The following FAM53A variants were observed in gnomAD, a reference collection of about 807,000 sequenced individuals.
FAM53A encodes the protein family with sequence similarity 53 member A.
In FAM53A, 28 loss-of-function variants were observed where a neutral mutation model predicts 26.6. The ratio of observed to expected loss-of-function variants is 1.05; its 90% CI spans 0.78 to 1.45. The LOEUF (loss-of-function observed/expected upper bound fraction) is 1.45, where lower values mean the gene tolerates loss of function less well. FAM53A is among the 40% of genes most tolerant of loss of function. The pLI, the probability that FAM53A is intolerant of heterozygous loss-of-function variation, is 0.00. For missense variants in FAM53A, 650 were observed against 575.8 expected, an observed-to-expected ratio of 1.13 and a Z score of -1.32; for synonymous variants, 290 against 253.1, an observed-to-expected ratio of 1.15 and a Z score of -1.38.
chr4:1,609,515 A>G, the FAM53A span, among the ~76,000 whole-genome samples: 43,728 of 151,906 alleles, frequency 0.29, 6,967 homozygotes, highest in African/African-American at 0.38. Flanking sequence ...TCTCCTGACA[A>G]CAAGTGAGTC....
At chr4:1,641,794 G>A (rs1711745945) in intron 4 of FAM53A, among the ~76,000 whole-genome samples, 187 bp from the exon 5 acceptor site, 1 of 151,988 alleles carries the variant, frequency 6.6e-6, no homozygotes, top group Non-Finnish European at 1.5e-5. Flanking sequence ...CCCTGCCCAT[G>A]CCCGCCCCAG....
At chr4:1,616,398 G>C (rs757984129), downstream of FAM53A, among the ~76,000 whole-genome samples, 1 of 147,448 alleles carries the variant, frequency 6.8e-6, no homozygotes, top group Non-Finnish European at 1.5e-5. Context: ...GCAAGTTGGC[G>C]CCCAGCAGGC....
chr4:1,587,452 A>G, the FAM53A span, among the ~76,000 whole-genome samples: 1 of 152,152 alleles, frequency 6.6e-6, no homozygotes, highest in Non-Finnish European at 1.5e-5. Context: ...CAGGCAGATC[A>G]TTTGAGGCCA....
At chr4:1,667,472 C>G (rs75608146) in intron 2 of FAM53A, among the ~76,000 whole-genome samples, 1 of 152,174 alleles carries the variant, frequency 6.6e-6, no homozygotes, top group Non-Finnish European at 1.5e-5. Context: ...AGCGCTGCCA[C>G]GGTCACCTCA....
chr4:1,595,597 C>A, the FAM53A span, among the ~76,000 whole-genome samples: 5 of 152,354 alleles, frequency 3.3e-5, no homozygotes, highest in South Asian at 1.0e-3. Context: ...AAAAAAACAG[C>A]ACCAAGCAGC....
intron 1 of FAM53A, among the ~76,000 whole-genome samples, chr4:1,679,639 T>C (rs527395411): frequency 7.8e-6 from 1 of 128,960 alleles, no homozygotes; most frequent in Non-Finnish European, 1.6e-5. Flanking sequence ...TGAGCCAAGA[T>C]AGCACCACTG....
intron 4 of FAM53A, chr4:1,644,332 C>T (rs1386437064): frequency 3.9e-6 from 6 of 1,535,940 alleles, no homozygotes; most frequent in Non-Finnish European, 4.4e-6. Flanking sequence ...CTCGCGGGCA[C>T]AGCTGTGCGG....
chr4:1,647,371 T>C (rs560723724), intron 4 of FAM53A, among the ~76,000 whole-genome samples: 2 of 151,348 alleles, frequency 1.3e-5, no homozygotes, highest in Admixed American at 1.3e-4. Flanking sequence ...TCCTAAATGT[T>C]TTCCTAGGAA....
chr4:1,603,133 T>G, the FAM53A span, among the ~76,000 whole-genome samples: 8 of 151,968 alleles, frequency 5.3e-5, no homozygotes, highest in African/African-American at 1.9e-4. Flanking sequence ...GCTGTGTGTA[T>G]GAGTGGGGCG....
At chr4:1,598,150 G>A in the FAM53A span, among the ~76,000 whole-genome samples, 1 of 152,192 alleles carries the variant, frequency 6.6e-6, no homozygotes. Flanking sequence ...GCCCCTAGGG[G>A]CCCAGCCCCT....
downstream of FAM53A, among the ~76,000 whole-genome samples, chr4:1,616,314 C>A (rs904075964): frequency 1.7e-4 from 26 of 152,218 alleles, no homozygotes; most frequent in Non-Finnish European, 3.1e-4. Context: ...GCACGCAGGT[C>A]CCCACGGCCA....
chr4:1,657,495 T>C (rs779059193), intron 2 of FAM53A, 27 bp from the exon 3 acceptor site: 3 of 1,604,728 alleles, frequency 1.9e-6, no homozygotes, highest in Non-Finnish European at 1.7e-6. Context: ...GTTTCAATAC[T>C]GTGACTGACA....
chr4:1,650,522 A>G (rs2108866898), intron 4 of FAM53A, among the ~76,000 whole-genome samples: 1 of 152,078 alleles, frequency 6.6e-6, no homozygotes, highest in East Asian at 1.9e-4. Context: ...TTTGAGACAG[A>G]GTCTCACTCT....
At position 1,666,812 on chromosome 4, in the gene FAM53A, G is replaced by A. The variant is rs1714269175; in HGVS notation, c.75+1855C>T. 2.0e-5 allele frequency among the ~76,000 whole-genome samples: 3 copies of A among 152,206 alleles called. No homozygotes were observed. The South Asian group carries it at 6.2e-4, about 31-fold the overall frequency. On this transcript the variant is annotated intron_variant, in intron 2 of 4. Coordinates refer to ENST00000308132, the MANE Select transcript of FAM53A (RefSeq NM_001174070.3). ...CCAGCCTCGCCAACATGGCCAACAT[G>A]GTGAAACCCCGTCTCTACTAAAAAT...
At chr4:1,576,579 C>T in the FAM53A span, among the ~76,000 whole-genome samples, 1 of 152,266 alleles carries the variant, frequency 6.6e-6, no homozygotes, top group East Asian at 1.9e-4. Flanking sequence ...GAAAACTACC[C>T]TCAATTGAAA....
chr4:1,632,302 G>T (rs1221514631), intron 1 of FAM53A, among the ~76,000 whole-genome samples: 2 of 152,108 alleles, frequency 1.3e-5, no homozygotes, highest in East Asian at 3.8e-4. Flanking sequence ...TGAGGACACA[G>T]ACACACACAG....
chr4:1,653,923 C>A (rs1713095019), intron 4 of FAM53A, among the ~76,000 whole-genome samples: 1 of 152,208 alleles, frequency 6.6e-6, no homozygotes, highest in Admixed American at 6.5e-5. Flanking sequence ...CCACAGGATG[C>A]CCAGGCCCAG....
chr4:1,612,546 A>G, the FAM53A span, among the ~76,000 whole-genome samples: 1 of 152,196 alleles, frequency 6.6e-6, no homozygotes, highest in African/African-American at 2.4e-5. Context: ...ACCCACACGG[A>G]CCTGCACCCA....
At chr4:1,575,731 C>T in the FAM53A span, among the ~76,000 whole-genome samples, 2 of 152,120 alleles carry the variant, frequency 1.3e-5, no homozygotes, top group Non-Finnish European at 2.9e-5. Flanking sequence ...AAGCCAATCT[C>T]CCTCCTTGCC....
Sources: allele counts gnomAD v4.1 joint callset (sites outside exome capture counted in the v4.1 genomes callset), GRCh38; gene constraint gnomAD v4.1.1; transcripts MANE v1.5; gene names NCBI Gene and HGNC (gene_info 2026-07-23, HGNC 2026-07-21).